Variants in SLIT3 observed in about 807,000 individuals in gnomAD.
SLIT3 encodes the protein slit homolog 3 protein.
SLIT3 carries 68 observed loss-of-function variants against 184.0 expected under a neutral mutation model. The observed-to-expected ratio is 0.37, with a 90% confidence interval of 0.30 to 0.45. The LOEUF (loss-of-function observed/expected upper bound fraction) is 0.45, where lower values mean the gene tolerates loss of function less well. Ranked by LOEUF, SLIT3 falls within the 20% of genes least tolerant of loss-of-function variation. SLIT3 has a pLI of 1.00. For missense variants in SLIT3, 1,707 were observed against 2,026.0 expected (o/e 0.84, Z 3.02); for synonymous variants, 831 against 828.6 (o/e 1.00, Z -0.05).
rs566833417 is a variant in SLIT3 at position 169,281,484 on chromosome 5, C to T, written c.197+19029G>A. Among the ~76,000 whole-genome samples, 4 of 152,284 alleles carry T rather than the reference C, an allele frequency of 2.6e-5. No homozygotes were observed. In the South Asian group the frequency reaches 8.3e-4, roughly 32 times the overall value. On this transcript the variant is annotated intron_variant, in intron 1 of 35. Coordinates refer to ENST00000519560, the MANE Select transcript of SLIT3 (RefSeq NM_003062.4). The stretch of plus-strand genomic sequence containing the variant: ...AGCAAGAATCTGTCTCAACTCGACC[C>T]AGCTTTGCTCATTGATCTCATCTGT...
At chr5:169,048,731 G>A (rs981839169) in intron 4 of SLIT3, among the ~76,000 whole-genome samples, 4 of 152,148 alleles carry the variant, frequency 2.6e-5, no homozygotes, top group South Asian at 2.1e-4. Flanking sequence ...AATAACAGCC[G>A]TATTAAGTTG....
intron 20 of SLIT3, among the ~76,000 whole-genome samples, chr5:168,726,111 CA>C (rs1464938107): frequency 6.6e-6 from 1 of 151,912 alleles, no homozygotes; most frequent in Non-Finnish European, 1.5e-5. Context: ...GGGAGAAATA[CA>C]AAGATGAACC....
chr5:168,844,720 G>T, intron 5 of SLIT3, 65 bp from the exon 6 acceptor site: 3 of 1,487,734 alleles, frequency 2.0e-6, no homozygotes, highest in South Asian at 1.1e-5. Flanking sequence ...GGCGGCCCAG[G>T]CCACCCGAGC....
chr5:168,825,711 T>G (rs1393673698), intron 6 of SLIT3, among the ~76,000 whole-genome samples: 1 of 152,196 alleles, frequency 6.6e-6, no homozygotes, highest in Admixed American at 6.5e-5. Context: ...CCTGCCTCTG[T>G]CCATCCAGAA....
At chr5:168,746,645 TGTG>T (rs1267373527) in intron 20 of SLIT3, among the ~76,000 whole-genome samples, 3 of 73,050 alleles carry the variant, frequency 4.1e-5, no homozygotes, top group Non-Finnish European at 8.1e-5. Context: ...TGTGTAGTGG[TGTG>T]GGTGTGTGGT....
Position 169,210,397 on chromosome 5 carries a change from C to T in SLIT3, c.342-16847G>A, listed in dbSNP as rs572251960. Among the ~76,000 whole-genome samples, 9 of 151,658 alleles carry T rather than the reference C, an allele frequency of 5.9e-5. No homozygotes were observed. In the South Asian group the frequency reaches 1.9e-3, roughly 32 times the overall value. Reference sequence around the variant, plus strand: ...TCTCATGGTCATTATTAAAGAGAGGCCAAGGAAAAAGAAAGGAAGTTGACT... The same window carrying T: ...TCTCATGGTCATTATTAAAGAGAGGTCAAGGAAAAAGAAAGGAAGTTGACT... On this transcript the variant is annotated intron_variant, in intron 3 of 35. Coordinates refer to ENST00000519560, the MANE Select transcript of SLIT3 (RefSeq NM_003062.4).
intron 3 of SLIT3, among the ~76,000 whole-genome samples, chr5:169,214,259 A>AG (rs1416247456): frequency 6.6e-6 from 1 of 152,250 alleles, no homozygotes; most frequent in Non-Finnish European, 1.5e-5. Flanking sequence ...GAGCCCATCA[A>AG]GGGGGAAAGA....
chr5:169,174,891 T>C (rs1246973465), intron 4 of SLIT3, among the ~76,000 whole-genome samples: 2 of 152,310 alleles, frequency 1.3e-5, no homozygotes, highest in South Asian at 2.1e-4. Context: ...AAAAAAAATC[T>C]TCCTCTAAAA....
At chr5:168,927,534 CAA>C (rs760469923) in intron 4 of SLIT3, among the ~76,000 whole-genome samples, 1 of 152,112 alleles carries the variant, frequency 6.6e-6, no homozygotes, top group East Asian at 1.9e-4. Context: ...TTATCACAAT[CAA>C]AAAAGAGATA....
chr5:169,146,629 C>T (rs1224652091), intron 4 of SLIT3, among the ~76,000 whole-genome samples: 2 of 152,178 alleles, frequency 1.3e-5, no homozygotes, highest in African/African-American at 4.8e-5. Context: ...CTCTCACCCA[C>T]CAGGATGCTC....
At chr5:168,678,468 G>A (rs563989996) in intron 32 of SLIT3, among the ~76,000 whole-genome samples, 35 of 152,282 alleles carry the variant, frequency 2.3e-4, no homozygotes, top group African/African-American at 8.2e-4. Flanking sequence ...CGGATCACAA[G>A]GTCAGGAGTT....
intron 5 of SLIT3, among the ~76,000 whole-genome samples, chr5:168,860,797 C>G (rs1759074903): frequency 6.6e-6 from 1 of 152,196 alleles, no homozygotes; most frequent in Admixed American, 6.5e-5. Context: ...CATTCTTAAG[C>G]TGTTTCCCCT....
intron 4 of SLIT3, among the ~76,000 whole-genome samples, chr5:169,186,406 C>T (rs986019018): frequency 6.6e-6 from 1 of 152,190 alleles, no homozygotes; most frequent in African/African-American, 2.4e-5. Flanking sequence ...GACTTCTATC[C>T]TCCAGAACTG....
chr5:168,719,562 A>G (rs1451327958), intron 23 of SLIT3, among the ~76,000 whole-genome samples: 2 of 152,160 alleles, frequency 1.3e-5, no homozygotes, highest in Non-Finnish European at 2.9e-5. Context: ...TCTAGTTTTC[A>G]TCTTTGCCTC....
Position 169,202,787 on chromosome 5 carries a change from C to T in SLIT3, c.342-9237G>A, listed in dbSNP as rs946525961. ...TATGAAAAGAAAACAAGCACAAAGC[C>T]CCCCCACCCCACCCCTGCCCGCAAC... On this transcript the variant is annotated intron_variant, in intron 3 of 35. Transcript: ENST00000519560. Among the ~76,000 whole-genome samples the T allele has an allele frequency of 1.2e-4, 18 of 151,834 alleles. 1 individual carries two copies. Among genetic ancestry groups the T allele is most frequent in the East Asian group, 7.8e-4 (4 of 5,152 alleles).
intron 1 of SLIT3, among the ~76,000 whole-genome samples, chr5:169,296,877 C>T (rs138790879): frequency 2.3e-4 from 35 of 152,360 alleles, no homozygotes; most frequent in African/African-American, 7.9e-4. Context: ...CCCCACTCCA[C>T]CGTTCAGGCC....
At chr5:169,014,948 C>T (rs1008037059) in intron 4 of SLIT3, among the ~76,000 whole-genome samples, 8 of 151,886 alleles carry the variant, frequency 5.3e-5, no homozygotes, top group Non-Finnish European at 7.4e-5. Flanking sequence ...GAGACTCCAT[C>T]TCAAAAAAAT....
intron 4 of SLIT3, among the ~76,000 whole-genome samples, chr5:169,178,891 A>C (rs945798035): frequency 6.6e-6 from 1 of 152,218 alleles, no homozygotes. Context: ...CTCTTGAGCA[A>C]ATAAAGAGAG....
intron 1 of SLIT3, among the ~76,000 whole-genome samples, chr5:169,274,479 C>G (rs926880608): frequency 6.6e-6 from 1 of 152,142 alleles, no homozygotes; most frequent in Admixed American, 6.5e-5. Flanking sequence ...TAGTACAGTG[C>G]CTGGGGCCTA....
Sources: allele counts gnomAD v4.1 joint callset (sites outside exome capture counted in the v4.1 genomes callset), GRCh38; gene constraint gnomAD v4.1.1; transcripts MANE v1.5; gene names NCBI Gene and HGNC (gene_info 2026-07-23, HGNC 2026-07-21).